RGS8: variants seen among roughly 807,000 people sequenced by gnomAD.
RGS8 encodes regulator of G protein signaling 8, also known as regulator of G-protein signaling 8.
In RGS8, 8 loss-of-function variants were observed where a neutral mutation model predicts 21.7. The ratio of observed to expected loss-of-function variants is 0.37; its 90% CI spans 0.22 to 0.66. RGS8 has a LOEUF of 0.66. RGS8 is among the 30% of genes least tolerant of loss of function. The probability of loss-of-function intolerance (pLI) is 0.59; values close to 1 mark genes in which losing one functional copy is unlikely to be tolerated. For synonymous variants in RGS8, 80 were observed against 83.6 expected, an observed-to-expected ratio of 0.96 and a Z score of 0.24; for missense variants, 157 against 217.9, an observed-to-expected ratio of 0.72 and a Z score of 1.76.
the RGS8 span, among the ~76,000 whole-genome samples, chr1:182,690,780 A>C: frequency 6.6e-6 from 1 of 152,108 alleles, no homozygotes; most frequent in African/African-American, 2.4e-5. Context: ...AGCTCTCTCT[A>C]TCCATGACCT....
chr1:182,677,945 A>G (rs1430314341), intron 1 of RGS8, among the ~76,000 whole-genome samples: 1 of 152,230 alleles, frequency 6.6e-6, no homozygotes, highest in African/African-American at 2.4e-5. Flanking sequence ...GTTAAAAATA[A>G]AGCTGAAGAA....
At chr1:182,709,754 C>T in the RGS8 span, among the ~76,000 whole-genome samples, 114 of 152,188 alleles carry the variant, frequency 7.5e-4, no homozygotes, top group African/African-American at 2.7e-3. Context: ...TCAACTCCCC[C>T]CACTGTCACT....
the RGS8 span, among the ~76,000 whole-genome samples, chr1:182,690,033 G>A: frequency 6.6e-6 from 1 of 152,134 alleles, no homozygotes; most frequent in Non-Finnish European, 1.5e-5. Flanking sequence ...GGGTCAGAGA[G>A]GTACTCTGAG....
the RGS8 span, among the ~76,000 whole-genome samples, chr1:182,739,648 G>T: frequency 5.3e-5 from 8 of 152,108 alleles, no homozygotes; most frequent in African/African-American, 1.7e-4. Flanking sequence ...TAGCCTAGGG[G>T]GAATCGCCAT....
At chr1:182,730,139 C>A in the RGS8 span, among the ~76,000 whole-genome samples, 1 of 152,166 alleles carries the variant, frequency 6.6e-6, no homozygotes, top group Admixed American at 6.5e-5. Context: ...CTTTTCATAT[C>A]TTTTTCTTAA....
At chr1:182,679,288 TCCC>T (rs2102455244) in intron 1 of RGS8, among the ~76,000 whole-genome samples, 1 of 151,954 alleles carries the variant, frequency 6.6e-6, no homozygotes, top group South Asian at 2.1e-4. Context: ...TTCCCACCAT[TCCC>T]CCGAAACACA....
downstream of RGS8, chr1:182,644,731 A>G (rs1662628833): frequency 6.6e-6 from 1 of 152,240 alleles, no homozygotes; most frequent in African/African-American, 2.4e-5. Flanking sequence ...TGCACATTTC[A>G]TATGTAAACA....
the RGS8 span, among the ~76,000 whole-genome samples, chr1:182,727,485 A>G: frequency 1.3e-5 from 2 of 152,212 alleles, no homozygotes; most frequent in East Asian, 1.9e-4. Context: ...TAAAATTGAC[A>G]TTCTGCTCTT....
chr1:182,707,583 T>C, the RGS8 span, among the ~76,000 whole-genome samples: 1 of 152,222 alleles, frequency 6.6e-6, no homozygotes, highest in Non-Finnish European at 1.5e-5. Flanking sequence ...ATGATCTTTA[T>C]GGTTTGGCCA....
At chr1:182,674,651 C>T (rs572306881), upstream of RGS8, among the ~76,000 whole-genome samples, 37 of 152,132 alleles carry the variant, frequency 2.4e-4, no homozygotes, top group Non-Finnish European at 4.6e-4. Context: ...ATTCTAGCAT[C>T]GTCTTCTTTC....
At chr1:182,730,803 T>C in the RGS8 span, among the ~76,000 whole-genome samples, 1 of 152,192 alleles carries the variant, frequency 6.6e-6, no homozygotes, top group South Asian at 2.1e-4. Context: ...ATTTTTTACA[T>C]GCTTAAGAAT....
chr1:182,670,788 T>C (rs935037043), intron 2 of RGS8, among the ~76,000 whole-genome samples: 3 of 152,190 alleles, frequency 2.0e-5, no homozygotes, highest in Non-Finnish European at 4.4e-5. Context: ...TTAGTTAGAC[T>C]GTGTATGAAG....
chr1:182,737,389 C>A, the RGS8 span, among the ~76,000 whole-genome samples: 2 of 152,010 alleles, frequency 1.3e-5, no homozygotes, highest in African/African-American at 4.8e-5. Flanking sequence ...GTGTCCCCAC[C>A]GAAATCTCAT....
chr1:182,737,425 A>C, the RGS8 span, among the ~76,000 whole-genome samples: 626 of 152,198 alleles, frequency 4.1e-3, 2 homozygotes, highest in Middle Eastern at 6.8e-3. Flanking sequence ...CCATAACCCC[A>C]TGTGTCGTGG....
the RGS8 span, among the ~76,000 whole-genome samples, chr1:182,734,948 T>C: frequency 0.055 from 8,422 of 152,352 alleles, 258 homozygotes; most frequent in Middle Eastern, 0.071. Flanking sequence ...ATTTTTATCA[T>C]ATATTTTAGC....
At chr1:182,721,725 G>A in the RGS8 span, among the ~76,000 whole-genome samples, 21 of 152,086 alleles carry the variant, frequency 1.4e-4, no homozygotes, top group African/African-American at 4.3e-4. Flanking sequence ...GTGCTGACTC[G>A]TTCAGCTTTA....
At chr1:182,719,197 T>C in the RGS8 span, among the ~76,000 whole-genome samples, 2 of 152,190 alleles carry the variant, frequency 1.3e-5, no homozygotes, top group Non-Finnish European at 2.9e-5. Flanking sequence ...CAGAGTAGCC[T>C]TCCTCCTGGG....
At chr1:182,681,324 T>C (rs1281520183) in intron 1 of RGS8, among the ~76,000 whole-genome samples, 1 of 152,120 alleles carries the variant, frequency 6.6e-6, no homozygotes, top group Non-Finnish European at 1.5e-5. Flanking sequence ...ATCAATCTCT[T>C]CCCCTTCTCA....
the RGS8 span, among the ~76,000 whole-genome samples, chr1:182,694,640 C>CT: frequency 1.8e-4 from 28 of 151,942 alleles, no homozygotes; most frequent in East Asian, 5.4e-3. Flanking sequence ...AACCCTGTCT[C>CT]TACTAAAAAT....
Sources: gnomAD v4.1 joint callset for allele counts (sites outside exome capture counted in the v4.1 genomes callset) on GRCh38, gnomAD v4.1.1 for gene constraint, MANE v1.5 for transcripts, NCBI Gene and HGNC (gene_info 2026-07-23, HGNC 2026-07-21) for gene names.